Variants in PPP1R9A observed in about 807,000 individuals in gnomAD.
PPP1R9A encodes protein phosphatase 1 regulatory subunit 9A.
A neutral mutation model predicts 141.9 loss-of-function variants in PPP1R9A; 59 were observed. The observed-to-expected ratio is 0.42, with a 90% CI of 0.34 to 0.52. The LOEUF (loss-of-function observed/expected upper bound fraction) is 0.52. PPP1R9A is among the 20% of genes least tolerant of loss of function. The pLI is 0.10. For missense variants in PPP1R9A, 1,444 were observed against 1,611.9 expected (o/e 0.90, Z 1.78); for synonymous variants, 500 against 569.7 (o/e 0.88, Z 1.74).
chr7:95,155,742 A>C (rs1426053090), intron 4 of PPP1R9A: 1 of 152,240 alleles, frequency 6.6e-6, no homozygotes, highest in African/African-American at 2.4e-5. Flanking sequence ...TGAGATTATA[A>C]ATACAGTTCA....
Position 94,910,403 on chromosome 7 carries a change from A to G in PPP1R9A, c.290A>G (p.Gln97Arg). The change falls in exon 2 of 20, where the codon CAG becomes CGG. Residue 97 changes from glutamine to arginine, a missense_variant. Transcript: ENST00000433360. This position sits in a 1 kb window ranked among gnomAD's most constrained non-coding sequence, Gnocchi z 4.5. ...TRGKGGHSSP[Q>R]RRMKPKEFLE... ...GGGAAAGGTGGACATTCATCTCCTCAGAGAAGAATGAAGCCCAAAGAATTT... is the reference window on the plus strand; with the variant it reads ...GGGAAAGGTGGACATTCATCTCCTCGGAGAAGAATGAAGCCCAAAGAATTT... 2 of 1,614,194 alleles carry G rather than the reference A, an allele frequency of 1.2e-6. No homozygotes were observed.
chr7:95,057,478 C>G (rs1181098329), intron 2 of PPP1R9A, among the ~76,000 whole-genome samples: 1 of 152,058 alleles, frequency 6.6e-6, no homozygotes, highest in African/African-American at 2.4e-5. Context: ...GTCTACATCT[C>G]TAGAACGGTT....
intron 2 of PPP1R9A, among the ~76,000 whole-genome samples, chr7:94,976,344 CT>C (rs11400551): frequency 7.2e-4 from 99 of 137,088 alleles, no homozygotes; most frequent in Admixed American, 6.6e-4. Context: ...ATGTTTTATT[CT>C]TTTTTTTTTT....
chr7:95,208,956 T>TAAAAAAAAAAAAAA (rs10670515), intron 7 of PPP1R9A, among the ~76,000 whole-genome samples: 9 of 76,882 alleles, frequency 1.2e-4, no homozygotes, highest in Admixed American at 1.6e-4. Context: ...ATAGCAAAAC[T>TAAAAAAAAAAAAAA]AAAAAAAAAA....
At chr7:95,172,580 A>T (rs1028991594) in intron 5 of PPP1R9A, among the ~76,000 whole-genome samples, 8 of 151,842 alleles carry the variant, frequency 5.3e-5, no homozygotes, top group Non-Finnish European at 5.9e-5. Flanking sequence ...CTAACAATAT[A>T]TTGCAGACTT....
intron 2 of PPP1R9A, among the ~76,000 whole-genome samples, chr7:94,978,185 T>G (rs1799690367): frequency 6.6e-6 from 1 of 152,208 alleles, no homozygotes; most frequent in South Asian, 2.1e-4. Context: ...GGGAGTGGCA[T>G]AATTCTCCTA....
intron 2 of PPP1R9A, among the ~76,000 whole-genome samples, chr7:95,037,706 C>T (rs757177715): frequency 1.8e-4 from 27 of 147,996 alleles, no homozygotes; most frequent in African/African-American, 4.7e-4. Context: ...TGTGCGTGCG[C>T]GCGTGTGTGT....
chr7:95,160,450 T>C (rs948927235), intron 4 of PPP1R9A, among the ~76,000 whole-genome samples: 3 of 152,182 alleles, frequency 2.0e-5, no homozygotes, highest in Non-Finnish European at 4.4e-5. Context: ...AATATGTATG[T>C]TTGGTAAACT....
intron 2 of PPP1R9A, among the ~76,000 whole-genome samples, chr7:94,985,939 T>C (rs1422993522): frequency 1.3e-5 from 2 of 152,296 alleles, no homozygotes; most frequent in Non-Finnish European, 2.9e-5. Context: ...TTGAGGAAGA[T>C]TTGGCTGTTG....
intron 5 of PPP1R9A, among the ~76,000 whole-genome samples, chr7:95,185,950 G>A (rs542265731): frequency 6.6e-6 from 1 of 152,062 alleles, no homozygotes; most frequent in Non-Finnish European, 1.5e-5. Context: ...TTGAAGTCAG[G>A]TAATGTGATG....
chr7:95,111,180 T>G (rs1235663354), intron 2 of PPP1R9A, 79 bp from the exon 3 acceptor site: 4 of 1,383,578 alleles, frequency 2.9e-6, no homozygotes, highest in Non-Finnish European at 3.9e-6. Flanking sequence ...CACATGAATG[T>G]TTAAACTTAC....
rs866149930 is a variant in PPP1R9A, at chr7:95,182,065, G to A, written c.1755-16284G>A. 4.6e-5 allele frequency among the ~76,000 whole-genome samples: 7 copies of A among 152,028 alleles called. No homozygotes were observed. The South Asian group carries it at 8.3e-4, about 18-fold the overall frequency. ...GGCAAGGGATAAAAGACTACAAATA[G>A]GGTGCAGTGTATACTGCTGGGTGAT... is the stretch of plus-strand genomic sequence containing the variant. On this transcript the variant is annotated intron_variant, in intron 5 of 19. Coordinates refer to ENST00000433360, the MANE Select transcript of PPP1R9A (RefSeq NM_001166160.2).
intron 2 of PPP1R9A, among the ~76,000 whole-genome samples, chr7:95,051,839 T>G (rs1219944393): frequency 7.2e-6 from 1 of 138,392 alleles, no homozygotes; most frequent in African/African-American, 2.7e-5. Flanking sequence ...TTTTTTTTAT[T>G]TTAATTTTTT....
chr7:94,936,678 G>T (rs1284840375), intron 2 of PPP1R9A, among the ~76,000 whole-genome samples: 1 of 151,440 alleles, frequency 6.6e-6, no homozygotes, highest in South Asian at 2.1e-4. Flanking sequence ...GTGTGTGTGT[G>T]TGTGTTTGTG....
At position 95,290,465 on chromosome 7, in the gene PPP1R9A, G is replaced by C; in HGVS notation, c.*162G>C. 1 of 754,086 alleles carries C rather than the reference G, an allele frequency of 1.3e-6. No individual in the cohort carries two copies. Among genetic ancestry groups the C allele is most frequent in the Non-Finnish European group, 2.1e-6 (1 of 481,154 alleles). 46.7% of individuals were successfully genotyped at this position (754,086 alleles called of 1,614,324 possible). On this transcript the variant is annotated 3_prime_UTR_variant, in exon 20 of 20. Coordinates refer to ENST00000433360, the MANE Select transcript of PPP1R9A (RefSeq NM_001166160.2). ...TTGAATAACTGCATTTTCTGCAATA[G>C]AATGCACTCTTAATTTTAACTACTA...
intron 5 of PPP1R9A, among the ~76,000 whole-genome samples, chr7:95,196,730 T>C (rs1259390424): frequency 6.6e-6 from 1 of 152,136 alleles, no homozygotes; most frequent in Admixed American, 6.5e-5. Flanking sequence ...TATAGAATTC[T>C]AGAAAAGATT....
intron 4 of PPP1R9A, among the ~76,000 whole-genome samples, chr7:95,136,395 A>G (rs1825671744): frequency 6.6e-6 from 1 of 152,224 alleles, no homozygotes; most frequent in Non-Finnish European, 1.5e-5. Context: ...GTTTGAGACC[A>G]GCCTTGGCAA....
intron 2 of PPP1R9A, among the ~76,000 whole-genome samples, chr7:95,013,637 T>C (rs1304648853): frequency 6.6e-6 from 1 of 152,166 alleles, no homozygotes; most frequent in African/African-American, 2.4e-5. Flanking sequence ...ATCCCCAGTT[T>C]AGTAACATAT....
intron 4 of PPP1R9A, among the ~76,000 whole-genome samples, chr7:95,122,342 T>A (rs534050909): frequency 4.6e-5 from 7 of 152,250 alleles, no homozygotes; most frequent in South Asian, 4.1e-4. Flanking sequence ...AGACGGGGTT[T>A]CACCATGTTG....
Sources: allele counts gnomAD v4.1 joint callset (sites outside exome capture counted in the v4.1 genomes callset), GRCh38; gene constraint gnomAD v4.1.1; non-coding constraint Gnocchi (gnomAD v3.1); transcripts MANE v1.5; gene names NCBI Gene and HGNC (gene_info 2026-07-23, HGNC 2026-07-21).